The following CAMTA1 variants were observed in gnomAD, a reference collection of about 807,000 sequenced individuals.
The protein encoded by CAMTA1 is calmodulin binding transcription activator 1.
A neutral mutation model predicts 170.9 loss-of-function variants in CAMTA1; 27 were observed. The observed-to-expected ratio is 0.16, with a 90% CI of 0.12 to 0.22. The LOEUF is 0.22. CAMTA1 is among the 10% of genes least tolerant of loss of function. The pLI, the probability that CAMTA1 is intolerant of heterozygous loss-of-function variation, is 1.00. For synonymous variants in CAMTA1, 833 were observed against 891.5 expected (o/e 0.93, Z 1.17); for missense variants, 1,619 against 2,217.2 (o/e 0.73, Z 5.42).
rs1376418099 is a variant in CAMTA1, at chr1:7,604,559, G to A, written c.511-35841G>A. ...GTCCTTTAAGGCTTTCTCTGTATTG[G>A]TTATTCTAGCTAGCCATTCATCTAA... On this transcript the variant is annotated intron_variant, in intron 6 of 22. Coordinates refer to ENST00000303635, the MANE Select transcript of CAMTA1 (RefSeq NM_015215.4). Among the ~76,000 whole-genome samples, 3 of 152,070 alleles carry A rather than the reference G, an allele frequency of 2.0e-5. No individual in the cohort carries two copies. The South Asian group carries it at 6.2e-4, about 32-fold the overall frequency.
intron 4 of CAMTA1, among the ~76,000 whole-genome samples, chr1:7,228,409 G>A (rs1662100779): frequency 6.6e-6 from 1 of 152,196 alleles, no homozygotes; most frequent in East Asian, 1.9e-4. Context: ...TGGGGCTCGT[G>A]CATGTGAGCC....
In CAMTA1 at chr1:7,752,497, G is replaced by A. The variant is rs369220323; in HGVS notation, c.4922G>A (p.Arg1641Gln). Residue 1641 changes from arginine (R) to glutamine (Q), a missense_variant, in exon 21 of 23, where the codon CGA (arginine) becomes CAA (glutamine). Around this residue, in one of 8 missense-constraint regions of CAMTA1, gnomAD observed 128 missense variants for 213.5 expected, o/e 0.60. Transcript: ENST00000303635. Reference protein sequence around the residue: ...LLTKKQDQAARKIMRFLRRCR... With the variant: ...LLTKKQDQAAQKIMRFLRRCR... ...ACCAAAAAGCAGGATCAAGCTGCTC[G>A]AAAAATAATGAGGTTTCTTCGCCGC... 2.4e-5 allele frequency: 39 copies of A among 1,612,156 alleles called. No homozygotes were observed. Among genetic ancestry groups the A allele is most frequent in the African/African-American group, 1.6e-4 (12 of 74,738 alleles).
At chr1:7,672,341 C>T (rs2149235558) in intron 10 of CAMTA1, among the ~76,000 whole-genome samples, 1 of 152,318 alleles carries the variant, frequency 6.6e-6, no homozygotes, top group Non-Finnish European at 1.5e-5. Context: ...CCACCCCACC[C>T]TTGAACCATG....
chr1:6,808,491 C>T (rs879358081), intron 1 of CAMTA1, among the ~76,000 whole-genome samples: 1 of 152,216 alleles, frequency 6.6e-6, no homozygotes, highest in Admixed American at 6.5e-5. Context: ...TCTGTGTCTT[C>T]TGTGTTTCAG....
Position 6,802,991 on chromosome 1 carries a change from C to T in CAMTA1, c.46-17190C>T, listed in dbSNP as rs1030224669. On this transcript the variant is annotated intron_variant, in intron 1 of 22. Transcript: ENST00000303635. ...GAACTCTTGGCCAGCTCAAGCAATC[C>T]ACCTGCCTCAGTCTCTCAAAGGGCT... Among the ~76,000 whole-genome samples, 2 of 152,206 alleles carry T rather than the reference C, an allele frequency of 1.3e-5. 1 individual carries two copies. The highest frequency in any genetic ancestry group is 4.8e-5 in the African/African-American group (2 of 41,444).
At chr1:7,658,334 C>T (rs535052649) in intron 7 of CAMTA1, among the ~76,000 whole-genome samples, 22 of 152,268 alleles carry the variant, frequency 1.4e-4, no homozygotes, top group African/African-American at 5.3e-4. Flanking sequence ...GCGTGTTCTC[C>T]CATCCTAACA....
intron 6 of CAMTA1, among the ~76,000 whole-genome samples, chr1:7,595,381 T>A (rs929218844): frequency 6.6e-6 from 1 of 152,232 alleles, no homozygotes; most frequent in Non-Finnish European, 1.5e-5. Context: ...AAGCAGTTTT[T>A]AAAAATACCT....
intron 6 of CAMTA1, among the ~76,000 whole-genome samples, chr1:7,555,919 A>G (rs895643590): frequency 1.3e-5 from 2 of 152,166 alleles, no homozygotes; most frequent in Admixed American, 6.5e-5. Flanking sequence ...TTGTATTAAT[A>G]TGCAGCCATG....
chr1:7,480,256 T>TGTGTGA (rs139720755), intron 6 of CAMTA1, among the ~76,000 whole-genome samples: 78,195 of 145,616 alleles, frequency 0.54, 20,875 homozygotes, highest in African/African-American at 0.67. Context: ...TGTGTGCATG[T>TGTGTGA]GTGTATGTGT....
At chr1:7,712,944 G>C (rs114768261) in intron 11 of CAMTA1, among the ~76,000 whole-genome samples, 3,686 of 152,184 alleles carry the variant, frequency 0.024, 133 homozygotes, top group African/African-American at 0.083. Context: ...GAGAACAGCA[G>C]GAGAAAAATC....
chr1:7,628,961 C>T (rs2095651019), intron 6 of CAMTA1, among the ~76,000 whole-genome samples: 1 of 152,232 alleles, frequency 6.6e-6, no homozygotes, highest in African/African-American at 2.4e-5. Context: ...CTGTTCCACC[C>T]TCTGTCTCTG....
At chr1:7,128,831 CTTTTTTTTTTT>C (rs34180837) in intron 4 of CAMTA1, among the ~76,000 whole-genome samples, 6 of 61,320 alleles carry the variant, frequency 9.8e-5, no homozygotes, top group Admixed American at 6.2e-4. Context: ...GCTCCCCCTC[CTTTTTTTTTTT>C]TTTTTTTTTT....
At chr1:7,343,736 A>C (rs2084012966) in intron 5 of CAMTA1, among the ~76,000 whole-genome samples, 2 of 152,198 alleles carry the variant, frequency 1.3e-5, no homozygotes, top group Admixed American at 6.5e-5. Context: ...GTGCATCCTT[A>C]AATACTACCT....
At chr1:7,366,860 T>C (rs914355657) in intron 5 of CAMTA1, among the ~76,000 whole-genome samples, 6 of 152,196 alleles carry the variant, frequency 3.9e-5, no homozygotes, top group Non-Finnish European at 8.8e-5. Context: ...CGATTTCTGA[T>C]ACAGCTCATC....
At chr1:7,590,853 C>T (rs2095350312) in intron 6 of CAMTA1, among the ~76,000 whole-genome samples, 2 of 152,182 alleles carry the variant, frequency 1.3e-5, no homozygotes, top group African/African-American at 4.8e-5. Flanking sequence ...TCCAGGAGGC[C>T]GTCTGAGAAT....
At chr1:6,859,378 C>T (rs1489565478) in intron 3 of CAMTA1, among the ~76,000 whole-genome samples, 3 of 152,170 alleles carry the variant, frequency 2.0e-5, no homozygotes, top group Admixed American at 1.3e-4. Context: ...TTCAGCCAAT[C>T]CCTTATTGGT....
chr1:6,834,816 T>C (rs1652219098), intron 3 of CAMTA1, among the ~76,000 whole-genome samples: 2 of 152,164 alleles, frequency 1.3e-5, no homozygotes, highest in Non-Finnish European at 1.5e-5. Flanking sequence ...TACATTGTTT[T>C]TGGAGATGGA....
At chr1:7,548,991 G>A (rs1364938923) in intron 6 of CAMTA1, among the ~76,000 whole-genome samples, 3 of 141,250 alleles carry the variant, frequency 2.1e-5, no homozygotes, top group Non-Finnish European at 4.7e-5. Context: ...CCCCTTAGGG[G>A]TAGAGGTGCT....
intron 5 of CAMTA1, among the ~76,000 whole-genome samples, chr1:7,414,130 T>TTCTGGA: frequency 6.6e-6 from 1 of 152,240 alleles, no homozygotes. Context: ...GTGGATAAGC[T>TTCTGGA]TTTTGATGTG....
Sources: allele counts gnomAD v4.1 joint callset (sites outside exome capture counted in the v4.1 genomes callset), GRCh38; gene constraint gnomAD v4.1.1; regional missense constraint gnomAD v4.1.1; transcripts MANE v1.5; gene names NCBI Gene and HGNC (gene_info 2026-07-23, HGNC 2026-07-21).